Variants in BANP observed in about 807,000 individuals in gnomAD.
The protein encoded by BANP is protein BANP.
Under a neutral mutation model 68.1 loss-of-function variants are expected in BANP, and 11 were observed. The ratio of observed to expected loss-of-function variants is 0.16; its 90% CI spans 0.10 to 0.27. BANP has a LOEUF of 0.27. Among genes scored for constraint, BANP ranks in the 10% least tolerant of loss-of-function variants. BANP has a pLI of 1.00. For synonymous variants in BANP, 329 were observed against 303.2 expected (o/e 1.09, Z -0.88); for missense variants, 504 against 722.7 (o/e 0.70, Z 3.47).
chr16:87,961,059 A>G (rs2059028086), intron 1 of BANP, among the ~76,000 whole-genome samples: 1 of 152,194 alleles, frequency 6.6e-6, no homozygotes, highest in Admixed American at 6.5e-5. Flanking sequence ...GTGAAGCAAC[A>G]TTTTCCAGAT....
At chr16:88,044,121 C>T (rs1476110005) in intron 11 of BANP, among the ~76,000 whole-genome samples, 2 of 152,204 alleles carry the variant, frequency 1.3e-5, no homozygotes, top group Non-Finnish European at 2.9e-5. Context: ...TGAGCCAGTG[C>T]TGTGTGACCT....
intron 2 of BANP, among the ~76,000 whole-genome samples, chr16:87,978,880 A>G (rs544626410): frequency 6.6e-6 from 1 of 152,310 alleles, no homozygotes; most frequent in African/African-American, 2.4e-5. Context: ...CCCGCAGGAT[A>G]AGCAACTCGG....
chr16:87,957,874 A>G lies in BANP; in HGVS notation c.-69+6359A>G, dbSNP rs1400553406. ...GTGGGCGCTGGTGGCCAGGATGCGG[A>G]CAACCCCTGCCGCTACGTGTCCTCA... On this transcript the variant is annotated intron_variant, in intron 1 of 13. Coordinates refer to ENST00000682872, the MANE Select transcript of BANP (RefSeq NM_001386991.1). The surrounding 1 kb of genome is among the most constrained non-coding windows in gnomAD (Gnocchi z 4.3). Among the ~76,000 whole-genome samples, 1 of 151,482 alleles carries G rather than the reference A, an allele frequency of 6.6e-6. No homozygotes were observed. Among genetic ancestry groups the G allele is most frequent in the East Asian group, 1.9e-4 (1 of 5,138 alleles).
intron 8 of BANP, among the ~76,000 whole-genome samples, chr16:88,029,886 C>A (rs1036010277): frequency 6.6e-6 from 1 of 152,202 alleles, no homozygotes; most frequent in African/African-American, 2.4e-5. Flanking sequence ...GTTGTGGAAT[C>A]AAGTTCCTAA....
Position 88,018,303 on chromosome 16 carries a change from C to G in BANP, c.656-125C>G, listed in dbSNP as rs1333999112. Reference sequence around the variant, plus strand: ...CTCTTGGTGACTGCCTCACAAGTTACGAGGGATTTGCCCAGCCCTGCGTGG... The same window carrying G: ...CTCTTGGTGACTGCCTCACAAGTTAGGAGGGATTTGCCCAGCCCTGCGTGG... On this transcript the variant is annotated intron_variant, in intron 6 of 13. Coordinates refer to ENST00000682872, the MANE Select transcript of BANP (RefSeq NM_001386991.1). The surrounding 1 kb of genome is among the most constrained non-coding windows in gnomAD (Gnocchi z 7.7). 14 of 1,235,804 alleles carry G rather than the reference C, an allele frequency of 1.1e-5. No individual in the cohort carries two copies. The highest frequency in any genetic ancestry group is 4.7e-5 in the East Asian group (2 of 42,600). The allele number at this position is 1,235,804 out of a possible 1,614,324, so 76.6% of individuals were successfully genotyped here. A position where few individuals can be genotyped will look rare whatever the true frequency, so the allele number is the denominator to read the frequency against.
chr16:88,049,690 C>G (rs1441095360), intron 11 of BANP, among the ~76,000 whole-genome samples: 1 of 152,118 alleles, frequency 6.6e-6, no homozygotes, highest in Admixed American at 6.5e-5. Flanking sequence ...CAGTATCTCT[C>G]GTAAACACCA....
intron 2 of BANP, 154 bp from the exon 3 acceptor site, chr16:87,980,882 G>C: frequency 1.6e-6 from 1 of 607,404 alleles, no homozygotes. Context: ...TTTTCTGCCT[G>C]ACTGAGAATA....
Position 87,965,021 on chromosome 16 carries a change from C to T in BANP, c.-68-10027C>T, listed in dbSNP as rs149009609. On this transcript the variant is annotated intron_variant, in intron 1 of 13. Coordinates refer to ENST00000682872, the MANE Select transcript of BANP (RefSeq NM_001386991.1). ...AGGTCTGAGCTGGCAGGGTGATAGG[C>T]GCCATTGGCGTGGAGATGTATCTGA... Among the ~76,000 whole-genome samples the T allele has an allele frequency of 3.1e-3, 472 of 152,234 alleles. 8 individuals are homozygous for T. The East Asian group carries it at 0.034, about 11-fold the overall frequency.
At chr16:87,999,854 G>A (rs1341647114) in intron 4 of BANP, among the ~76,000 whole-genome samples, 8 of 40,876 alleles carry the variant, frequency 2.0e-4, no homozygotes, top group East Asian at 8.6e-4. Flanking sequence ...TTCCAGACAC[G>A]TCTCCATGCA....
intron 11 of BANP, among the ~76,000 whole-genome samples, chr16:88,055,100 C>CT (rs953097576): frequency 5.5e-4 from 82 of 149,420 alleles, no homozygotes; most frequent in South Asian, 3.2e-3. Context: ...TATTTTAATA[C>CT]TTTTTTTTTG....
At chr16:87,995,113 C>G (rs2066836532) in intron 4 of BANP, among the ~76,000 whole-genome samples, 1 of 152,226 alleles carries the variant, frequency 6.6e-6, no homozygotes, top group Non-Finnish European at 1.5e-5. Flanking sequence ...CTGGAAGTGA[C>G]ACACGTCTCA....
At chr16:88,028,402 C>G (rs2077426703) in intron 8 of BANP, among the ~76,000 whole-genome samples, 1 of 152,164 alleles carries the variant, frequency 6.6e-6, no homozygotes, top group African/African-American at 2.4e-5. Context: ...GACCAGATCA[C>G]CTGGAGTTCT....
intron 3 of BANP, among the ~76,000 whole-genome samples, chr16:87,983,459 C>G (rs1018560228): frequency 2.0e-5 from 3 of 152,080 alleles, no homozygotes; most frequent in Non-Finnish European, 4.4e-5. Context: ...CGGCACGTGA[C>G]TGCTCACTGG....
chr16:88,050,216 G>A (rs1410320542), intron 11 of BANP, among the ~76,000 whole-genome samples: 1 of 152,236 alleles, frequency 6.6e-6, no homozygotes, highest in Non-Finnish European at 1.5e-5. Flanking sequence ...GAGTGCAGTG[G>A]TGTGATCTTG....
At chr16:87,973,205 G>A (rs758932449) in intron 1 of BANP, among the ~76,000 whole-genome samples, 2 of 151,912 alleles carry the variant, frequency 1.3e-5, no homozygotes, top group Non-Finnish European at 2.9e-5. Flanking sequence ...TAGAGGTTCA[G>A]CGCTGGTGCC....
At chr16:88,047,557 C>T (rs2082309141) in intron 11 of BANP, among the ~76,000 whole-genome samples, 1 of 152,088 alleles carries the variant, frequency 6.6e-6, no homozygotes, top group African/African-American at 2.4e-5. Context: ...GCTGGGATGG[C>T]TGTAGGTGGC....
chr16:87,949,964 G>A (rs1339599183), upstream of BANP, among the ~76,000 whole-genome samples: 1 of 148,466 alleles, frequency 6.7e-6, no homozygotes, highest in Non-Finnish European at 1.5e-5. Context: ...TGCAAGCTCC[G>A]CCTCCCGGGT....
chr16:87,959,623 GC>G (rs2058735703), intron 1 of BANP, among the ~76,000 whole-genome samples: 1 of 152,234 alleles, frequency 6.6e-6, no homozygotes, highest in Non-Finnish European at 1.5e-5. Flanking sequence ...TCCTGCTGCA[GC>G]CCGTGTGGTT....
Position 88,076,592 on chromosome 16 carries a change from G to T in BANP, c.1524G>T (p.Thr508=). ...PVSDHTAGAQ[T]AEALQPTLQP... ...TCCCTCCTTTCTCCCTTTTGCAGAC[G>T]GCCGAAGCCCTGCAGCCCACGCTAC... Residue 508 remains threonine (T), a splice_region_variant and synonymous_variant, in exon 14 of 14, where the codon ACG becomes ACT. Transcript: ENST00000682872. 1.2e-6 allele frequency: 2 copies of T among 1,612,438 alleles called. No homozygotes were observed. Among genetic ancestry groups the T allele is most frequent in the Non-Finnish European group, 1.7e-6 (2 of 1,179,658 alleles).
Sources: allele counts gnomAD v4.1 joint callset (sites outside exome capture counted in the v4.1 genomes callset), GRCh38; gene constraint gnomAD v4.1.1; non-coding constraint Gnocchi (gnomAD v3.1); transcripts MANE v1.5; gene names NCBI Gene and HGNC (gene_info 2026-07-23, HGNC 2026-07-21).